CCDC102B: variants seen among roughly 807,000 people sequenced by gnomAD.
The protein encoded by CCDC102B is coiled-coil domain containing 102B, also known as coiled-coil domain-containing protein 102B.
Under a neutral mutation model 57.4 loss-of-function variants are expected in CCDC102B, and 75 were observed. The ratio of observed to expected loss-of-function variants is 1.31; its 90% CI spans 1.08 to 1.58. The LOEUF is 1.58. Ranked by LOEUF, CCDC102B falls within the 40% of genes most tolerant of loss-of-function variation. The pLI, the probability that CCDC102B is intolerant of heterozygous loss-of-function variation, is 0.00. For missense variants in CCDC102B, 636 were observed against 582.6 expected (o/e 1.09, Z -0.94); for synonymous variants, 206 against 201.9 (o/e 1.02, Z -0.17).
At chr18:68,723,296 C>A (rs765374906) in intron 2 of CCDC102B, among the ~76,000 whole-genome samples, 2 of 152,082 alleles carry the variant, frequency 1.3e-5, no homozygotes, top group African/African-American at 2.4e-5. Flanking sequence ...GACACAGGAC[C>A]AAACCATATC....
chr18:68,861,290 T>C (rs2038742359), intron 4 of CCDC102B, among the ~76,000 whole-genome samples: 1 of 84,352 alleles, frequency 1.2e-5, no homozygotes. Context: ...TCTGGAGCAG[T>C]TTAAATGTTT....
intron 7 of CCDC102B, among the ~76,000 whole-genome samples, chr18:69,019,280 T>C (rs888702811): frequency 7.9e-5 from 12 of 152,104 alleles, no homozygotes; most frequent in Non-Finnish European, 1.5e-4. Flanking sequence ...TTGTATTGAA[T>C]CTGCAGATAG....
intron 6 of CCDC102B, among the ~76,000 whole-genome samples, chr18:68,928,064 G>A (rs925069045): frequency 4.6e-5 from 7 of 151,864 alleles, no homozygotes; most frequent in African/African-American, 1.7e-4. Context: ...GTGAACTTGA[G>A]CTCCTCTCTT....
rs568447810 is a variant in CCDC102B, at chr18:69,007,400, C to A, written c.1264-3534C>A. On this transcript the variant is annotated intron_variant, in intron 6 of 7. Coordinates refer to ENST00000360242, the MANE Select transcript of CCDC102B (RefSeq NM_024781.3). Reference sequence around the variant, plus strand: ...TGTCACTCAAGGCGCATATATCTTCCTTGCATATTTTTAAGTGATAAACAT... The same window carrying A: ...TGTCACTCAAGGCGCATATATCTTCATTGCATATTTTTAAGTGATAAACAT... 2.6e-4 allele frequency among the ~76,000 whole-genome samples: 40 copies of A among 152,276 alleles called. 2 individuals are homozygous for A. The South Asian group carries it at 8.1e-3, about 31-fold the overall frequency.
At chr18:68,733,225 C>T (rs763686873) in intron 2 of CCDC102B, among the ~76,000 whole-genome samples, 3 of 151,862 alleles carry the variant, frequency 2.0e-5, no homozygotes, top group South Asian at 2.1e-4. Flanking sequence ...CTCTCTTTGT[C>T]GTGGAGAATA....
intron 2 of CCDC102B, among the ~76,000 whole-genome samples, chr18:68,764,766 T>C (rs890340343): frequency 6.6e-6 from 1 of 152,088 alleles, no homozygotes; most frequent in Non-Finnish European, 1.5e-5. Context: ...TAGAATTTAT[T>C]TGGCAAGTGA....
chr18:68,854,141 C>T (rs1305273980), intron 4 of CCDC102B, among the ~76,000 whole-genome samples: 4 of 151,220 alleles, frequency 2.6e-5, no homozygotes, highest in Non-Finnish European at 4.4e-5. Context: ...GCTCTTGTTG[C>T]CCAGGCTGGA....
chr18:68,768,203 T>G (rs2034529053), intron 2 of CCDC102B, among the ~76,000 whole-genome samples: 1 of 152,192 alleles, frequency 6.6e-6, no homozygotes, highest in South Asian at 2.1e-4. Context: ...TAGGAATTAT[T>G]AAACCAATAA....
intron 7 of CCDC102B, among the ~76,000 whole-genome samples, chr18:69,026,828 C>T (rs1302809635): frequency 6.6e-6 from 1 of 152,054 alleles, no homozygotes; most frequent in Non-Finnish European, 1.5e-5. Context: ...ATCTATAGTC[C>T]CAATTTTCCA....
chr18:68,913,726 G>A (rs902424032), intron 6 of CCDC102B, among the ~76,000 whole-genome samples: 1 of 151,778 alleles, frequency 6.6e-6, no homozygotes, highest in Non-Finnish European at 1.5e-5. Context: ...TAAAGAAAGT[G>A]TAATTTAACA....
At chr18:69,018,243 G>A (rs1406983969) in intron 7 of CCDC102B, among the ~76,000 whole-genome samples, 2 of 152,166 alleles carry the variant, frequency 1.3e-5, no homozygotes, top group African/African-American at 4.8e-5. Flanking sequence ...CACAACGTGT[G>A]TATACACATA....
intron 4 of CCDC102B, among the ~76,000 whole-genome samples, chr18:68,860,475 C>A (rs78196485): frequency 2.2e-3 from 114 of 52,754 alleles, no homozygotes; most frequent in Middle Eastern, 0.01. Flanking sequence ...AAAACAAAAA[C>A]AAAAAAAAAA....
chr18:69,038,851 T>C (rs565429832), intron 7 of CCDC102B, among the ~76,000 whole-genome samples: 1 of 152,128 alleles, frequency 6.6e-6, no homozygotes, highest in East Asian at 1.9e-4. Flanking sequence ...CAATGGAAAA[T>C]AGAGTCAATT....
At chr18:68,920,023 T>C (rs1346054160) in intron 6 of CCDC102B, among the ~76,000 whole-genome samples, 1 of 152,152 alleles carries the variant, frequency 6.6e-6, no homozygotes, top group Admixed American at 6.6e-5. Context: ...TTGTTACAAC[T>C]TGTGTCATGG....
intron 7 of CCDC102B, among the ~76,000 whole-genome samples, chr18:69,027,136 A>C (rs1458076445): frequency 1.3e-5 from 2 of 152,346 alleles, no homozygotes; most frequent in African/African-American, 4.8e-5. Flanking sequence ...GTCGTTTTCC[A>C]CAGATGTCTG....
At chr18:69,045,538 G>C (rs2052540378) in intron 7 of CCDC102B, among the ~76,000 whole-genome samples, 1 of 151,980 alleles carries the variant, frequency 6.6e-6, no homozygotes, top group Non-Finnish European at 1.5e-5. Context: ...TTTACTTAAA[G>C]TATCATACTG....
At chr18:68,942,936 G>GCCTGA (rs1287542328) in intron 6 of CCDC102B, among the ~76,000 whole-genome samples, 2 of 138,262 alleles carry the variant, frequency 1.4e-5, no homozygotes, top group African/African-American at 2.5e-5. Context: ...GGTCCCTGCG[G>GCCTGA]CCTTCCGCTG....
chr18:68,915,408 T>C (rs2041035255), intron 6 of CCDC102B, among the ~76,000 whole-genome samples: 2 of 152,364 alleles, frequency 1.3e-5, no homozygotes, highest in South Asian at 2.1e-4. Context: ...TGAATTCATT[T>C]TTTTCTAAAT....
rs189559853 is a variant in CCDC102B, at chr18:68,966,481, T to C, written c.1264-44453T>C. On this transcript the variant is annotated intron_variant, in intron 6 of 7. Transcript: ENST00000360242. ...GGGTTTTACTTTGTTATTGCTATGG[T>C]TACCCTGTGTGTGTGGGACTCTTCC... Among the ~76,000 whole-genome samples, 13 of 152,264 alleles carry C rather than the reference T, an allele frequency of 8.5e-5. No homozygotes were observed. The South Asian group carries it at 2.7e-3, about 32-fold the overall frequency.
Sources: allele counts gnomAD v4.1 joint callset (sites outside exome capture counted in the v4.1 genomes callset), GRCh38; gene constraint gnomAD v4.1.1; transcripts MANE v1.5; gene names NCBI Gene and HGNC (gene_info 2026-07-23, HGNC 2026-07-21).